RFX5: variants seen among roughly 807,000 people sequenced by gnomAD.
RFX5 encodes DNA-binding protein RFX5.
RFX5 carries 30 observed loss-of-function variants against 41.2 expected under a neutral mutation model. The ratio of observed to expected loss-of-function variants is 0.73; its 90% CI spans 0.54 to 0.99. RFX5 has a LOEUF of 0.99. Among genes scored for constraint, RFX5 ranks in the 50% least tolerant of loss-of-function variants. The pLI is 0.00. For synonymous variants in RFX5, 231 were observed against 291.8 expected, an observed-to-expected ratio of 0.79 and a Z score of 2.12; for missense variants, 715 against 773.6, an observed-to-expected ratio of 0.92 and a Z score of 0.90.
intron 4 of RFX5, chr1:151,345,486 C>T (rs1206985777): frequency 2.7e-6 from 1 of 371,964 alleles, no homozygotes; most frequent in Non-Finnish European, 5.1e-6. Flanking sequence ...GTGACGGGCG[C>T]CTGTAGTCCC....
In RFX5 at chr1:151,347,199, A is replaced by G. The variant is rs1038546416; in HGVS notation, c.-132+12T>C. 6.6e-6 allele frequency: 1 copy of G among 152,460 alleles called. No homozygotes were observed. Among genetic ancestry groups the G allele is most frequent in the African/African-American group, 2.4e-5 (1 of 41,576 alleles). The allele number at this position is 152,460 out of a possible 1,614,324, so 9.4% of individuals were successfully genotyped here. Reference sequence around the variant, plus strand: ...CAAGCAACAATAAAGGTAAGGGAGAAAGAGAAACTACCTCGTAGCCACCTT... The same window carrying G: ...CAAGCAACAATAAAGGTAAGGGAGAGAGAGAAACTACCTCGTAGCCACCTT... On this transcript the variant is annotated intron_variant, in intron 1 of 10. Coordinates refer to ENST00000452671, the MANE Select transcript of RFX5 (RefSeq NM_001025603.2).
At chr1:151,345,019 G>A (rs962999826) in intron 5 of RFX5, 87 bp downstream of exon 5, 7 of 1,511,490 alleles carry the variant, frequency 4.6e-6, no homozygotes, top group African/African-American at 4.1e-5. Flanking sequence ...CAGCATTTAC[G>A]AGTATTCCTA....
intron 3 of RFX5, 91 bp from the exon 4 acceptor site, chr1:151,346,052 C>T: frequency 1.2e-6 from 2 of 1,604,006 alleles, no homozygotes; most frequent in Non-Finnish European, 1.7e-6. Flanking sequence ...ACTGAAATGC[C>T]CAGCAGGTGC....
At position 151,343,060 on chromosome 1, in the gene RFX5, A is replaced by C. The variant is rs769087543; in HGVS notation, c.977T>G (p.Val326Gly). 1.2e-6 allele frequency: 2 copies of C among 1,613,648 alleles called. No individual in the cohort carries two copies. The highest frequency in any genetic ancestry group is 2.2e-5 in the South Asian group (2 of 91,086). The stretch of plus-strand genomic sequence containing the variant: ...GGGAAGGAGCAGAGGCAGCCGAGCC[A>C]CTAGGGCATTAACCTGCAGGTTATT... ...GANNLQVNAL[V>G]ARLPLLLPRA... The change falls in exon 11 of 11, where the codon GTG becomes GGG. Residue 326 changes from valine to glycine, a missense_variant. Transcript: ENST00000452671.
chr1:151,341,326 TGAG>T lies in RFX5; in HGVS notation c.*857_*859del. 6.6e-6 allele frequency: 1 copy of T among 152,378 alleles called. No homozygotes were observed. Among genetic ancestry groups the T allele is most frequent in the East Asian group, 1.9e-4 (1 of 5,192 alleles). 9.4% of individuals were successfully genotyped at this position (152,378 alleles called of 1,614,324 possible). On this transcript the variant is annotated 3_prime_UTR_variant, in exon 11 of 11. Transcript: ENST00000452671. ...GCTTGTATTGAGGGAAATGCAAGAC[TGAG>T]GAGAAAAGAAAGCAGGTCTAGCTGA...
Position 151,343,660 on chromosome 1 carries a change from CATAAG to C in RFX5, c.757+16_757+20del. 1 of 1,611,952 alleles carries C rather than the reference CATAAG, an allele frequency of 6.2e-7. No homozygotes were observed. The highest frequency in any genetic ancestry group is 8.5e-7 in the Non-Finnish European group (1 of 1,178,874). On this transcript the variant is annotated intron_variant, in intron 9 of 10. Transcript: ENST00000452671. The stretch of plus-strand genomic sequence containing the variant: ...TGAAAGTGGCTCAGGGTTGCTGAGA[CATAAG>C]AGAGGGTCAACACACCAGCGAGCCC...
chr1:151,344,707 A>ACCCCC, intron 6 of RFX5, 21 bp downstream of exon 6: 6 of 850,450 alleles, frequency 7.1e-6, no homozygotes, highest in Non-Finnish European at 1.1e-5. Context: ...CACTCATCCC[A>ACCCCC]CCACCCACCC....
At position 151,342,555 on chromosome 1, in the gene RFX5, C is replaced by G; in HGVS notation, c.1482G>C (p.Gln494His). The change falls in exon 11 of 11, where the codon CAG becomes CAC. Residue 494 changes from glutamine to histidine, a missense_variant. Gln to His is a conservative substitution (Grantham distance 24, BLOSUM62 0). Coordinates refer to ENST00000452671, the MANE Select transcript of RFX5 (RefSeq NM_001025603.2). ...LKSAAAMESA[Q>H]SSRLPWETWG... ...ATGTCTCCCATGGTAACCTTGAGGA[C>G]TGGGCAGATTCCATGGCAGCTGCTG... 6.2e-7 allele frequency: 1 copy of G among 1,614,156 alleles called. No homozygotes were observed. Among genetic ancestry groups the G allele is most frequent in the Non-Finnish European group, 8.5e-7 (1 of 1,180,016 alleles).
At chr1:151,344,681 C>T in intron 6 of RFX5, 47 bp downstream of exon 6, 4 of 1,552,206 alleles carry the variant, frequency 2.6e-6, no homozygotes, top group Non-Finnish European at 3.5e-6. Flanking sequence ...GTGAGGGGGT[C>T]CTATGCCCAC....
intron 9 of RFX5, 96 bp downstream of exon 9, chr1:151,343,585 G>T: frequency 6.9e-7 from 1 of 1,457,470 alleles, no homozygotes; most frequent in Non-Finnish European, 9.5e-7. Context: ...CAGGAAGAGG[G>T]GGCAAATCCA....
Position 151,343,371 on chromosome 1 carries a change from C to G in RFX5, c.829G>C (p.Ala277Pro). The change falls in exon 10 of 11, where the codon GCC becomes CCC. Residue 277 changes from alanine (A) to proline (P), a missense_variant. Coordinates refer to ENST00000452671, the MANE Select transcript of RFX5 (RefSeq NM_001025603.2). ...GCCAGTCTCTCTGGCTTCTTGTGGGCTCCACCCTCTGGGTTCTCTAAACCA... is the reference window on the plus strand; with the variant it reads ...GCCAGTCTCTCTGGCTTCTTGTGGGGTCCACCCTCTGGGTTCTCTAAACCA... ...KNGLENPEGG[A>P]HKKPERLAQP... 2 of 1,613,572 alleles carry G rather than the reference C, an allele frequency of 1.2e-6. No individual in the cohort carries two copies. Among genetic ancestry groups the G allele is most frequent in the Non-Finnish European group, 1.7e-6 (2 of 1,180,026 alleles).
rs1426299431 is a variant in RFX5, at chr1:151,342,538, C to T, written c.1499G>A (p.Trp500Ter). 2 of 1,614,040 alleles carry T rather than the reference C, an allele frequency of 1.2e-6. No individual in the cohort carries two copies. Among genetic ancestry groups the T allele is most frequent in the Admixed American group, 1.7e-5 (1 of 59,998 alleles). The change falls in exon 11 of 11, where the codon TGG becomes TAG. Residue 500 changes from tryptophan (W) to a stop codon, truncating the protein, a stop_gained. Coordinates refer to ENST00000452671, the MANE Select transcript of RFX5 (RefSeq NM_001025603.2). LOFTEE classifies it low-confidence loss of function (END_TRUNC). ...TTCCCCTCCTGAGCCCCATGTCTCC[C>T]ATGGTAACCTTGAGGACTGGGCAGA... ...MESAQSSRLPWETWGSGGEGN... is the reference protein window; with the variant it reads ...MESAQSSRLP
rs770734615 is a variant in RFX5, at chr1:151,342,530, A to G, written c.1507T>C (p.Trp503Arg). ...GAGTTGCCTTCCCCTCCTGAGCCCC[A>G]TGTCTCCCATGGTAACCTTGAGGAC... is the stretch of plus-strand genomic sequence containing the variant. ...AQSSRLPWET[W>R]GSGGEGNSAG... is the part of the protein sequence containing the mutation. The change falls in exon 11 of 11, where the codon TGG (tryptophan) becomes CGG (arginine). Residue 503 changes from tryptophan to arginine, a missense_variant. By Grantham distance (101) the Trp-to-Arg change is moderately radical. Transcript: ENST00000452671. 2.5e-6 allele frequency: 4 copies of G among 1,613,734 alleles called. No homozygotes were observed. The highest frequency in any genetic ancestry group is 2.7e-5 in the African/African-American group (2 of 74,826).
At chr1:151,346,859 C>T (rs1258721011) in intron 1 of RFX5, 1 of 155,628 alleles carries the variant, frequency 6.4e-6, no homozygotes, top group Non-Finnish European at 1.4e-5. Flanking sequence ...CTCGCCACGA[C>T]TTCCCCCGCT....
intron 1 of RFX5, 150 bp from the exon 2 acceptor site, chr1:151,346,756 A>C: frequency 4.7e-6 from 1 of 214,626 alleles, no homozygotes; most frequent in Non-Finnish European, 9.7e-6. Flanking sequence ...ACTCCTCACC[A>C]TTGCATATGC....
At position 151,343,362 on chromosome 1, in the gene RFX5, T is replaced by G. The variant is rs1283170921; in HGVS notation, c.838A>C (p.Lys280Gln). 2 of 1,613,286 alleles carry G rather than the reference T, an allele frequency of 1.2e-6. No individual in the cohort carries two copies. The highest frequency in any genetic ancestry group is 1.7e-5 in the Admixed American group (1 of 60,000). Residue 280 changes from lysine (K) to glutamine (Q), a missense_variant, in exon 10 of 11, where the codon AAG becomes CAG. Transcript: ENST00000452671. ...CTTACCTGGGCCAGTCTCTCTGGCTTCTTGTGGGCTCCACCCTCTGGGTTC... is the reference window on the plus strand; with the variant it reads ...CTTACCTGGGCCAGTCTCTCTGGCTGCTTGTGGGCTCCACCCTCTGGGTTC... ...LENPEGGAHK[K>Q]PERLAQPPKD...
In RFX5 at chr1:151,343,801, C is replaced by T; in HGVS notation, c.637G>A (p.Glu213Lys). Reference sequence around the variant, plus strand: ...CTGAAGGACCGTTTCAGGATCCGCTCTGCCCAGTCACAGGTCAGGGCACAC... The same window carrying T: ...CTGAAGGACCGTTTCAGGATCCGCTTTGCCCAGTCACAGGTCAGGGCACAC... ...AACALTCDWA[E>K]RILKRSFSSI... Residue 213 changes from glutamate to lysine, a missense_variant, in exon 9 of 11, where the codon GAG becomes AAG. Glu to Lys is a moderately conservative substitution (Grantham distance 56, BLOSUM62 1). Transcript: ENST00000452671. 1 of 1,614,154 alleles carries T rather than the reference C, an allele frequency of 6.2e-7. No individual in the cohort carries two copies. Among genetic ancestry groups the T allele is most frequent in the Non-Finnish European group, 8.5e-7 (1 of 1,180,048 alleles).
chr1:151,346,872 T>TC (rs1651117999), intron 1 of RFX5: 1 of 154,534 alleles, frequency 6.5e-6, no homozygotes, highest in Non-Finnish European at 1.4e-5. Flanking sequence ...CCCCCGCTGC[T>TC]CCCCCTCCCC....
rs768826328 is a variant in RFX5, at chr1:151,344,547, G to A, written c.354-11C>T. The A allele has an allele frequency of 2.5e-6, 4 of 1,614,042 alleles. No individual in the cohort carries two copies. The highest frequency in any genetic ancestry group is 1.1e-5 in the South Asian group (1 of 91,064). On this transcript the variant is annotated splice_polypyrimidine_tract_variant and intron_variant, in intron 6 of 10. Transcript: ENST00000452671. ...CTCTCACAGTACTTCCTGAGTGAGA[G>A]GGGAGCAGAGTGGGAAGATACTCAG...
Sources: allele counts gnomAD v4.1 joint callset, GRCh38; gene constraint gnomAD v4.1.1; transcripts MANE v1.5; gene names NCBI Gene and HGNC (gene_info 2026-07-23, HGNC 2026-07-21).